The following MTHFD1L variants were observed in gnomAD, a reference collection of about 807,000 sequenced individuals.
MTHFD1L encodes the protein monofunctional C1-tetrahydrofolate synthase, mitochondrial.
MTHFD1L carries 81 observed loss-of-function variants against 119.5 expected under a neutral mutation model. That is an observed-to-expected ratio of 0.68 (90% CI 0.57 to 0.82). The LOEUF is 0.82. Among genes scored for constraint, MTHFD1L ranks in the 40% least tolerant of loss-of-function variants. The pLI, the probability that MTHFD1L is intolerant of heterozygous loss-of-function variation, is 0.00. For missense variants in MTHFD1L, 1,125 were observed against 1,253.4 expected, an observed-to-expected ratio of 0.90 and a Z score of 1.55; for synonymous variants, 430 against 475.2, an observed-to-expected ratio of 0.90 and a Z score of 1.24.
At chr6:151,093,376 G>T (rs1292470329) in intron 27 of MTHFD1L, among the ~76,000 whole-genome samples, 1 of 107,626 alleles carries the variant, frequency 9.3e-6, no homozygotes, top group African/African-American at 3.8e-5. Flanking sequence ...ACTCTGCAAA[G>T]ACCCTCCTTC....
At chr6:151,058,325 G>T (rs1371134704) in intron 26 of MTHFD1L, among the ~76,000 whole-genome samples, 2 of 152,212 alleles carry the variant, frequency 1.3e-5, no homozygotes, top group African/African-American at 4.8e-5. Flanking sequence ...GGAGGAGGTG[G>T]CGTGGGAGCA....
chr6:150,881,087 T>C (rs1156476162), intron 4 of MTHFD1L, among the ~76,000 whole-genome samples: 1 of 152,236 alleles, frequency 6.6e-6, no homozygotes, highest in Admixed American at 6.5e-5. Context: ...ATGTTTTTAG[T>C]TTGATATAAT....
intron 15 of MTHFD1L, among the ~76,000 whole-genome samples, chr6:150,947,081 GAA>G (rs796899011): frequency 1.6e-5 from 2 of 122,518 alleles, no homozygotes; most frequent in Non-Finnish European, 3.3e-5. Context: ...TCTCAAAAAA[GAA>G]AAAAAAAAAA....
At position 150,905,684 on chromosome 6, in the gene MTHFD1L, C is replaced by T. The variant is rs564099264; in HGVS notation, c.815C>T (p.Pro272Leu). Residue 272 changes from proline (P) to leucine (L), a missense_variant, in exon 8 of 28, where the codon CCT becomes CTT. Physicochemically the swap from Pro to Leu is moderately conservative, Grantham distance 98. Transcript: ENST00000367321. The part of the protein sequence containing the change: ...HEADIVVLGS[P>L]KPEEIPLTWI... ...GCTGACATTGTGGTCCTAGGCTCAC[C>T]TAAGCCAGAAGAGATTCCCCTTACT... The T allele has an allele frequency of 1.2e-6, 2 of 1,614,108 alleles. No homozygotes were observed. Among genetic ancestry groups the T allele is most frequent in the South Asian group, 2.2e-5 (2 of 91,076 alleles).
intron 26 of MTHFD1L, among the ~76,000 whole-genome samples, chr6:151,081,975 T>A (rs759486851): frequency 3.9e-5 from 6 of 152,202 alleles, no homozygotes; most frequent in Non-Finnish European, 7.3e-5. Flanking sequence ...TACCGAATGA[T>A]GATTTCCTTG....
chr6:151,094,682 T>C (rs563113580), intron 27 of MTHFD1L, among the ~76,000 whole-genome samples: 59 of 152,156 alleles, frequency 3.9e-4, no homozygotes, highest in Non-Finnish European at 7.5e-4. Context: ...CAGTTGGGAT[T>C]ACAGGCGTCC....
At chr6:150,896,697 TAGAAC>T (rs1260379281) in intron 7 of MTHFD1L, among the ~76,000 whole-genome samples, 1 of 152,152 alleles carries the variant, frequency 6.6e-6, no homozygotes, top group Non-Finnish European at 1.5e-5. Flanking sequence ...AGAAAGTGAA[TAGAAC>T]TTTTTAGAGA....
intron 8 of MTHFD1L, among the ~76,000 whole-genome samples, chr6:150,906,529 G>A (rs1436178563): frequency 1.3e-5 from 2 of 152,236 alleles, no homozygotes; most frequent in Non-Finnish European, 2.9e-5. Context: ...GCACAGGTGA[G>A]CCAGAGACGA....
chr6:150,951,910 G>A (rs143973811), intron 16 of MTHFD1L, among the ~76,000 whole-genome samples: 1 of 152,046 alleles, frequency 6.6e-6, no homozygotes, highest in African/African-American at 2.4e-5. Flanking sequence ...CAAGCATATG[G>A]ATGTGCTAAA....
intron 5 of MTHFD1L, among the ~76,000 whole-genome samples, chr6:150,885,082 C>T (rs1392497581): frequency 1.3e-5 from 2 of 152,156 alleles, no homozygotes; most frequent in Non-Finnish European, 2.9e-5. Flanking sequence ...TTGGCAGAAC[C>T]GGAACACCCA....
At chr6:151,085,770 C>CA (rs5880915) in intron 26 of MTHFD1L, among the ~76,000 whole-genome samples, 10 of 149,132 alleles carry the variant, frequency 6.7e-5, no homozygotes, top group African/African-American at 1.5e-4. Context: ...GACTCTGTCT[C>CA]AAAAAAAAAA....
intron 6 of MTHFD1L, among the ~76,000 whole-genome samples, chr6:150,886,920 TG>T (rs751188286): frequency 2.6e-4 from 39 of 148,848 alleles, no homozygotes; most frequent in Non-Finnish European, 5.0e-4. Context: ...GGCTGGAGCC[TG>T]GGAGGTCAAG....
chr6:150,933,832 G>T (rs1791583368), intron 11 of MTHFD1L, among the ~76,000 whole-genome samples: 1 of 152,054 alleles, frequency 6.6e-6, no homozygotes, highest in African/African-American at 2.4e-5. Flanking sequence ...GCCCAGGCTG[G>T]TCTCAAACTC....
chr6:150,968,713 A>G (rs1197687388), intron 19 of MTHFD1L, among the ~76,000 whole-genome samples: 1 of 150,464 alleles, frequency 6.6e-6, no homozygotes, highest in East Asian at 2.0e-4. Context: ...ATGGGGTTTC[A>G]CCACGTTGGC....
At chr6:150,970,222 C>T (rs898419360) in intron 19 of MTHFD1L, among the ~76,000 whole-genome samples, 2 of 152,152 alleles carry the variant, frequency 1.3e-5, no homozygotes, top group Non-Finnish European at 1.5e-5. Context: ...TTGATTGATG[C>T]CGGGCTCCCC....
In MTHFD1L at chr6:151,079,148, A is replaced by G. The variant is rs192016337; in HGVS notation, c.2848-13319A>G. 1.0e-3 allele frequency among the ~76,000 whole-genome samples: 152 copies of G among 152,240 alleles called. 2 individuals are homozygous for G. Among genetic ancestry groups the G allele is most frequent in the African/African-American group, 3.4e-3 (141 of 41,506 alleles). Reference sequence around the variant, plus strand: ...AGAAGAACAGGAGTGTAATCAATAAATCAGATGGCCTTGCTGTGAACGGTT... The same window carrying G: ...AGAAGAACAGGAGTGTAATCAATAAGTCAGATGGCCTTGCTGTGAACGGTT... On this transcript the variant is annotated intron_variant, in intron 26 of 27. Coordinates refer to ENST00000367321, the MANE Select transcript of MTHFD1L (RefSeq NM_015440.5).
intron 21 of MTHFD1L, among the ~76,000 whole-genome samples, chr6:151,010,312 T>C (rs1382482881): frequency 6.6e-6 from 1 of 152,114 alleles, no homozygotes; most frequent in Non-Finnish European, 1.5e-5. Flanking sequence ...AACCATATGG[T>C]AATGGGAGGT....
intron 26 of MTHFD1L, chr6:151,041,960 G>T (rs1289247503): frequency 5.4e-6 from 2 of 372,158 alleles, no homozygotes; most frequent in African/African-American, 2.2e-5. Context: ...TCACTTATAG[G>T]CCAGGGTTTT....
rs781328354 is a variant in MTHFD1L, at chr6:150,926,253, G to C, written c.1214G>C (p.Arg405Thr). 31 of 1,613,888 alleles carry C rather than the reference G, an allele frequency of 1.9e-5. No individual in the cohort carries two copies. Among genetic ancestry groups the C allele is most frequent in the Non-Finnish European group, 2.5e-5 (29 of 1,179,856 alleles). ...AAAGTACGTTTGTCCGTGCTAGAAA[G>C]GTTAAAGGATCAAGCAGATGGAAAA... ...KAKVRLSVLE[R>T]LKDQADGKYV... Residue 405 changes from arginine to threonine, a missense_variant, in exon 11 of 28, where the codon AGG becomes ACG. Transcript: ENST00000367321. The surrounding 1 kb of genome is among the most constrained non-coding windows in gnomAD (Gnocchi z 4.3).
Sources: gnomAD v4.1 joint callset for allele counts (sites outside exome capture counted in the v4.1 genomes callset) on GRCh38, gnomAD v4.1.1 for gene constraint, Gnocchi (gnomAD v3.1) non-coding constraint, MANE v1.5 for transcripts, NCBI Gene and HGNC (gene_info 2026-07-23, HGNC 2026-07-21) for gene names.